The following CA13 variants were observed in gnomAD, a reference collection of about 807,000 sequenced individuals.
CA13 encodes the protein CA-XIII.
In CA13, 21 loss-of-function variants were observed where a neutral mutation model predicts 31.5. That is an observed-to-expected ratio of 0.67 (90% CI 0.47 to 0.96). CA13 has a LOEUF of 0.96. CA13 is among the 40% of genes least tolerant of loss of function. The probability of loss-of-function intolerance (pLI) is 0.00; values close to 1 mark genes in which losing one functional copy is unlikely to be tolerated. For synonymous variants in CA13, 117 were observed against 111.4 expected (o/e 1.05, Z -0.32); for missense variants, 315 against 318.9 (o/e 0.99, Z 0.09).
In CA13 at chr8:85,245,904, G is replaced by A. The variant is rs202222221; in HGVS notation, c.37+39G>A. ...CCTGATCCAAGGGGGGGTTTGTGCG[G>A]GGGACGAGAGGACTAGCGCGACGCC... On this transcript the variant is annotated intron_variant, in intron 1 of 6. Transcript: ENST00000321764. 19 of 1,613,092 alleles carry A rather than the reference G, an allele frequency of 1.2e-5. No individual in the cohort carries two copies. In the East Asian group the frequency reaches 4.2e-4, roughly 36 times the overall value.
intron 3 of CA13, among the ~76,000 whole-genome samples, chr8:85,263,311 A>T (rs1038710968): frequency 1.3e-5 from 2 of 152,204 alleles, no homozygotes; most frequent in African/African-American, 4.8e-5. Flanking sequence ...TCTGTAATGC[A>T]GTGGGAAGAA....
intron 3 of CA13, among the ~76,000 whole-genome samples, chr8:85,261,859 T>C (rs2129973663): frequency 6.6e-6 from 1 of 152,156 alleles, no homozygotes; most frequent in East Asian, 1.9e-4. Flanking sequence ...TCTTTCTTTT[T>C]CTTTGAGACA....
intron 2 of CA13, among the ~76,000 whole-genome samples, chr8:85,254,843 T>C (rs745693105): frequency 6.6e-6 from 1 of 151,150 alleles, no homozygotes; most frequent in Non-Finnish European, 1.5e-5. Context: ...AGATACTTTC[T>C]GTAGCAAACC....
chr8:85,278,818 T>A (rs1218741096), intron 6 of CA13, among the ~76,000 whole-genome samples: 1 of 152,174 alleles, frequency 6.6e-6, no homozygotes, highest in East Asian at 1.9e-4. Context: ...AGAAAACAAG[T>A]TTCTCTGTGG....
chr8:85,265,740 T>C (rs1807447235), intron 3 of CA13, among the ~76,000 whole-genome samples: 1 of 152,236 alleles, frequency 6.6e-6, no homozygotes, highest in Admixed American at 6.5e-5. Flanking sequence ...ATTTAATCAT[T>C]CCACATTTAT....
At chr8:85,250,682 ATGTT>A in intron 1 of CA13, 54 bp from the exon 2 acceptor site, 1 of 1,080,704 alleles carries the variant, frequency 9.3e-7, no homozygotes. Flanking sequence ...TACTCAATGT[ATGTT>A]TGTTGAAAGA....
At chr8:85,249,275 G>T (rs373086628) in intron 1 of CA13, among the ~76,000 whole-genome samples, 2 of 152,304 alleles carry the variant, frequency 1.3e-5, no homozygotes, top group Non-Finnish European at 1.5e-5. Context: ...GAGACATGCG[G>T]ATCACTTGAG....
chr8:85,246,003 C>G, intron 1 of CA13, 138 bp downstream of exon 1: 1 of 943,472 alleles, frequency 1.1e-6, no homozygotes, highest in Middle Eastern at 2.2e-4. Flanking sequence ...CTAAGCAGCA[C>G]TCCTGGGAGC....
chr8:85,277,966 T>C (rs1252953747), intron 6 of CA13, among the ~76,000 whole-genome samples: 1 of 152,044 alleles, frequency 6.6e-6, no homozygotes, highest in Non-Finnish European at 1.5e-5. Flanking sequence ...GAGGAAGTTA[T>C]TCATTCCCTT....
At chr8:85,278,081 C>T (rs561544663) in intron 6 of CA13, among the ~76,000 whole-genome samples, 19 of 151,066 alleles carry the variant, frequency 1.3e-4, no homozygotes, top group African/African-American at 4.4e-4. Context: ...GCCAACATAG[C>T]GAAACCCTGT....
intron 1 of CA13, 63 bp downstream of exon 1, chr8:85,245,928 C>T (rs919293885): frequency 1.9e-6 from 3 of 1,585,534 alleles, no homozygotes; most frequent in Non-Finnish European, 2.6e-6. Context: ...TAGCGCGACG[C>T]CCCGGCGCTC....
At chr8:85,259,749 G>A (rs1314993477) in intron 3 of CA13, among the ~76,000 whole-genome samples, 1 of 152,188 alleles carries the variant, frequency 6.6e-6, no homozygotes, top group Non-Finnish European at 1.5e-5. Flanking sequence ...TGAGAGCTTA[G>A]GGTTATATGT....
chr8:85,259,630 C>A, intron 3 of CA13, 91 bp downstream of exon 3: 1 of 987,910 alleles, frequency 1.0e-6, no homozygotes, highest in African/African-American at 1.6e-5. Flanking sequence ...CCAAATAGAT[C>A]CTGAGCCAAT....
Position 85,281,283 on chromosome 8 carries a change from T to C in CA13, c.723T>C (p.Phe241=). 1 of 1,614,132 alleles carries C rather than the reference T, an allele frequency of 6.2e-7. No homozygotes were observed. Among genetic ancestry groups the C allele is most frequent in the Non-Finnish European group, 8.5e-7 (1 of 1,179,994 alleles). ...LCTAEGEAAA[F]LVSNHRPPQP... The stretch of plus-strand genomic sequence containing the variant: ...CAGCGGAGGGTGAAGCAGCAGCTTT[T>C]CTGGTGAGCAATCACCGCCCACCAC... Residue 241 remains phenylalanine, a synonymous_variant, in exon 7 of 7, where the codon TTT becomes TTC. Coordinates refer to ENST00000321764, the MANE Select transcript of CA13 (RefSeq NM_198584.3).
chr8:85,266,808 A>C, intron 4 of CA13, 105 bp downstream of exon 4: 6 of 749,984 alleles, frequency 8.0e-6, no homozygotes, highest in Non-Finnish European at 1.3e-5. Context: ...AATTCATTTT[A>C]GGTGTAGCAG....
At chr8:85,276,162 G>C (rs559644849) in intron 6 of CA13, among the ~76,000 whole-genome samples, 1 of 152,140 alleles carries the variant, frequency 6.6e-6, no homozygotes, top group Non-Finnish European at 1.5e-5. Context: ...TCGGAGCGGC[G>C]GGCCGGCCCC....
intron 6 of CA13, among the ~76,000 whole-genome samples, chr8:85,280,986 C>A (rs1279206862): frequency 3.9e-5 from 6 of 152,040 alleles, no homozygotes; most frequent in African/African-American, 1.2e-4. Context: ...TAGATGTTTC[C>A]TCTTGTTGGC....
Position 85,281,287 on chromosome 8 carries a change from G to GTGAGCAA in CA13, c.729_735dup (p.His246GlufsTer54). The GTGAGCAA allele has an allele frequency of 6.2e-7, 1 of 1,614,040 alleles. No homozygotes were observed. Among genetic ancestry groups the GTGAGCAA allele is most frequent in the Non-Finnish European group, 8.5e-7 (1 of 1,179,978 alleles). ...GGAGGGTGAAGCAGCAGCTTTTCTG[G>GTGAGCAA]TGAGCAATCACCGCCCACCACAGCC... On this transcript the variant is annotated frameshift_variant, in exon 7 of 7. Transcript: ENST00000321764. LOFTEE classifies it high-confidence loss of function.
chr8:85,277,062 C>T (rs1466320804), intron 6 of CA13, among the ~76,000 whole-genome samples: 2 of 152,146 alleles, frequency 1.3e-5, no homozygotes, highest in East Asian at 1.9e-4. Flanking sequence ...CCACTCGGCT[C>T]TCTGTAAAAT....
Sources: allele counts gnomAD v4.1 joint callset (sites outside exome capture counted in the v4.1 genomes callset), GRCh38; gene constraint gnomAD v4.1.1; transcripts MANE v1.5; gene names NCBI Gene and HGNC (gene_info 2026-07-23, HGNC 2026-07-21).